Variants in SPTBN1 observed in about 807,000 individuals in gnomAD.
The protein encoded by SPTBN1 is spectrin beta chain, non-erythrocytic 1.
In SPTBN1, 32 loss-of-function variants were observed where a neutral mutation model predicts 266.4. That is an observed-to-expected ratio of 0.12 (90% confidence interval 0.09 to 0.16). The LOEUF (loss-of-function observed/expected upper bound fraction) is 0.16, where lower values mean the gene tolerates loss of function less well. Among genes scored for constraint, SPTBN1 ranks in the 10% least tolerant of loss-of-function variants. SPTBN1 has a pLI of 1.00. For missense variants in SPTBN1, 2,296 were observed against 3,067.1 expected, an observed-to-expected ratio of 0.75 and a Z score of 5.94; for synonymous variants, 1,336 against 1,162.2, an observed-to-expected ratio of 1.15 and a Z score of -3.04.
intron 1 of SPTBN1, chr2:54,515,627 G>C (rs1321125222): frequency 6.6e-6 from 1 of 152,130 alleles, no homozygotes; most frequent in African/African-American, 2.4e-5. Context: ...GGCCTCCCAG[G>C]CTCAAGTGAT....
Position 54,630,978 on chromosome 2 carries a change from C to A in SPTBN1, c.2931C>A (p.Val977=). The change falls in exon 16 of 36, where the codon GTC becomes GTA. Residue 977 remains valine (V), a synonymous_variant. Transcript: ENST00000356805. The part of the protein sequence containing the change: ...TKSWIREKTK[V]IESTQDLGND... ...CCTGGATTCGGGAAAAGACCAAGGT[C>A]ATCGAGTCCACCCAGGACCTGGGCA... 6.2e-7 allele frequency: 1 copy of A among 1,614,168 alleles called. No individual in the cohort carries two copies. Among genetic ancestry groups the A allele is most frequent in the Non-Finnish European group, 8.5e-7 (1 of 1,180,048 alleles).
chr2:54,656,590 A>G lies in SPTBN1; in HGVS notation c.6046+592A>G, dbSNP rs559623718. On this transcript the variant is annotated intron_variant, in intron 29 of 35. Transcript: ENST00000356805. Reference sequence around the variant, plus strand: ...GCATTTCATAATTGGTATGAGCACTAACAGCGCAATTCTAGCATTGCTTAC... The same window carrying G: ...GCATTTCATAATTGGTATGAGCACTGACAGCGCAATTCTAGCATTGCTTAC... Among the ~76,000 whole-genome samples, 6 of 152,322 alleles carry G rather than the reference A, an allele frequency of 3.9e-5. No homozygotes were observed. In the South Asian group the frequency reaches 1.2e-3, roughly 32 times the overall value.
chr2:54,662,241 T>C (rs1681097680), intron 32 of SPTBN1: 4 of 985,470 alleles, frequency 4.1e-6, no homozygotes, highest in Non-Finnish European at 4.8e-6. Context: ...GATGTGTGTC[T>C]CTAGTGGTGT....
chr2:54,505,765 T>C (rs1170740459), intron 1 of SPTBN1, among the ~76,000 whole-genome samples: 1 of 152,090 alleles, frequency 6.6e-6, no homozygotes, highest in Non-Finnish European at 1.5e-5. Flanking sequence ...TGCTTCACAT[T>C]GAGCTTGCCA....
intron 3 of SPTBN1, among the ~76,000 whole-genome samples, chr2:54,607,733 G>C (rs1676942631): frequency 6.6e-6 from 1 of 152,114 alleles, no homozygotes; most frequent in Non-Finnish European, 1.5e-5. Flanking sequence ...TGGTATCATT[G>C]GGGGTCCTGG....
At position 54,632,564 on chromosome 2, in the gene SPTBN1, A is replaced by C. The variant is rs1252542840; in HGVS notation, c.3565-2A>C. The C allele has an allele frequency of 6.2e-7, 1 of 1,614,148 alleles. No homozygotes were observed. The highest frequency in any genetic ancestry group is 2.2e-5 in the East Asian group (1 of 44,890). On this transcript the variant is annotated splice_acceptor_variant, in intron 16 of 35. Coordinates refer to ENST00000356805, the MANE Select transcript of SPTBN1 (RefSeq NM_003128.3). LOFTEE classifies it high-confidence loss of function. ...TATGATTTGTTCCTCTTTTTAAATA[A>C]GGAGTATGTTCTGGCTCACACTGAA...
chr2:54,517,653 T>C (rs971431147), intron 1 of SPTBN1, among the ~76,000 whole-genome samples: 10 of 151,988 alleles, frequency 6.6e-5, no homozygotes, highest in Non-Finnish European at 1.3e-4. Context: ...CCTTTTTTTT[T>C]TTTTTCTTTT....
intron 3 of SPTBN1, among the ~76,000 whole-genome samples, chr2:54,599,630 T>G (rs1676343714): frequency 6.6e-6 from 1 of 152,202 alleles, no homozygotes; most frequent in African/African-American, 2.4e-5. Context: ...TCTGGTTGTC[T>G]AGAAAATCTG....
intron 1 of SPTBN1, among the ~76,000 whole-genome samples, chr2:54,499,936 A>C (rs1669162605): frequency 6.6e-6 from 1 of 152,186 alleles, no homozygotes; most frequent in African/African-American, 2.4e-5. Context: ...TTTCCAATGG[A>C]GGATGTGTTT....
Position 54,558,510 on chromosome 2 carries a change from C to G in SPTBN1, c.148+31944C>G. On this transcript the variant is annotated intron_variant, in intron 2 of 35. Coordinates refer to ENST00000356805, the MANE Select transcript of SPTBN1 (RefSeq NM_003128.3). This position sits in a 1 kb window ranked among gnomAD's most constrained non-coding sequence, Gnocchi z 4.6. ...GCCTCCTCTCTGCTTCTCCCTCCTCCTCAGTAATTTATTTCGAGCTTCCAG... is the reference window on the plus strand; with the variant it reads ...GCCTCCTCTCTGCTTCTCCCTCCTCGTCAGTAATTTATTTCGAGCTTCCAG... 1.1e-5 allele frequency: 14 copies of G among 1,220,236 alleles called. No homozygotes were observed. The highest frequency in any genetic ancestry group is 1.4e-5 in the Non-Finnish European group (14 of 976,154). The allele number at this position is 1,220,236 out of a possible 1,614,324, so 75.6% of individuals were successfully genotyped here. A position where few individuals can be genotyped will look rare whatever the true frequency, so the allele number is the denominator to read the frequency against.
chr2:54,670,508 C>T lies in SPTBN1; in HGVS notation c.*1939C>T, dbSNP rs1681650993. 2.5e-6 allele frequency: 1 copy of T among 394,230 alleles called. No individual in the cohort carries two copies. Among genetic ancestry groups the T allele is most frequent in the Non-Finnish European group, 4.5e-6 (1 of 223,728 alleles). 24.4% of individuals were successfully genotyped at this position (394,230 alleles called of 1,614,324 possible). On this transcript the variant is annotated 3_prime_UTR_variant, in exon 36 of 36. Coordinates refer to ENST00000356805, the MANE Select transcript of SPTBN1 (RefSeq NM_003128.3). ...AAACTGAGACCTCACCATCCTCTCC[C>T]CTGCTTCCCACGACAGTCCTTTGCC... is the stretch of plus-strand genomic sequence containing the variant.
intron 12 of SPTBN1, among the ~76,000 whole-genome samples, chr2:54,627,535 CA>C (rs1678433539): frequency 1.3e-5 from 2 of 152,102 alleles, no homozygotes; most frequent in Admixed American, 6.5e-5. Context: ...GTAAGCTTTT[CA>C]AGTAGATTGT....
At chr2:54,461,645 A>G (rs1453434838) in intron 1 of SPTBN1, among the ~76,000 whole-genome samples, 2 of 152,226 alleles carry the variant, frequency 1.3e-5, no homozygotes, top group African/African-American at 2.4e-5. Context: ...GTGAAACATT[A>G]TCTCACTGTG....
chr2:54,522,697 G>GAGAAAGAA lies in SPTBN1; in HGVS notation c.-47-3668_-47-3661dup, dbSNP rs1466233306. On this transcript the variant is annotated intron_variant, in intron 1 of 35. Transcript: ENST00000356805. ...GAGAGAGGAGAGAGAGAGAGAGAGA[G>GAGAAAGAA]AGAAAGAAAGAAAGGAAAGAAAGAA... Among the ~76,000 whole-genome samples the GAGAAAGAA allele has an allele frequency of 4.1e-5, 4 of 97,266 alleles. 1 individual carries two copies. Among genetic ancestry groups the GAGAAAGAA allele is most frequent in the Admixed American group, 2.3e-4 (2 of 8,698 alleles). The allele number at this position is 97,266 out of a possible 152,430, so 63.8% of individuals were successfully genotyped here. A position where few individuals can be genotyped will look rare whatever the true frequency, so the allele number is the denominator to read the frequency against.
In SPTBN1 at chr2:54,631,381, G is replaced by A. The variant is rs776264412; in HGVS notation, c.3334G>A (p.Asp1112Asn). Residue 1112 changes from aspartate to asparagine, a missense_variant, in exon 16 of 36, where the codon GAC becomes AAC. By Grantham distance (23) the Asp-to-Asn change is conservative. Transcript: ENST00000356805. ...GCACGAGAACATCAAGAACGAGATC[G>A]ACAACTACGAGGAGGACTACCAGAA... ...TQHENIKNEI[D>N]NYEEDYQKMR... The A allele has an allele frequency of 1.5e-5, 24 of 1,614,090 alleles. No individual in the cohort carries two copies. The highest frequency in any genetic ancestry group is 1.9e-5 in the Non-Finnish European group (22 of 1,180,046).
chr2:54,565,048 G>A (rs185679436), intron 2 of SPTBN1, among the ~76,000 whole-genome samples: 135 of 152,226 alleles, frequency 8.9e-4, no homozygotes, highest in African/African-American at 3.1e-3. Flanking sequence ...AGCATCATCT[G>A]GGAATTGGCT....
chr2:54,571,209 A>C (rs1261105214), intron 2 of SPTBN1, among the ~76,000 whole-genome samples: 1 of 151,908 alleles, frequency 6.6e-6, no homozygotes, highest in Non-Finnish European at 1.5e-5. Flanking sequence ...GGGCTGTGGG[A>C]CGTTTTCTCT....
At chr2:54,581,803 C>A (rs1674932817) in intron 2 of SPTBN1, among the ~76,000 whole-genome samples, 1 of 152,054 alleles carries the variant, frequency 6.6e-6, no homozygotes, top group South Asian at 2.1e-4. Flanking sequence ...GTAGGAACTG[C>A]CTCAAGATAA....
chr2:54,582,600 CTGA>C (rs1171239070), intron 2 of SPTBN1, among the ~76,000 whole-genome samples: 1 of 151,260 alleles, frequency 6.6e-6, no homozygotes, highest in Non-Finnish European at 1.5e-5. Flanking sequence ...AGGATTCTTT[CTGA>C]TGAGGGCTTC....
Sources: allele counts gnomAD v4.1 joint callset (sites outside exome capture counted in the v4.1 genomes callset), GRCh38; gene constraint gnomAD v4.1.1; non-coding constraint Gnocchi (gnomAD v3.1); transcripts MANE v1.5; gene names NCBI Gene and HGNC (gene_info 2026-07-23, HGNC 2026-07-21).